The following ITFG1 variants were observed in gnomAD, a reference collection of about 807,000 sequenced individuals.
The protein encoded by ITFG1 is integrin alpha FG-GAP repeat containing 1, also known as T-cell immunomodulatory protein.
In ITFG1, 34 loss-of-function variants were observed where a neutral mutation model predicts 81.8. The observed-to-expected ratio is 0.42, with a 90% CI of 0.32 to 0.55. ITFG1 has a LOEUF of 0.55. ITFG1 is among the 20% of genes least tolerant of loss of function. ITFG1 has a pLI of 0.17. For synonymous variants in ITFG1, 285 were observed against 270.6 expected (o/e 1.05, Z -0.52); for missense variants, 672 against 755.4 (o/e 0.89, Z 1.29).
intron 14 of ITFG1, among the ~76,000 whole-genome samples, chr16:47,174,853 A>G (rs1296960430): frequency 6.6e-6 from 1 of 152,220 alleles, no homozygotes; most frequent in Non-Finnish European, 1.5e-5. Context: ...AGGAATTTTC[A>G]TCTAACGGTA....
intron 6 of ITFG1, among the ~76,000 whole-genome samples, chr16:47,424,410 G>A (rs1360735731): frequency 2.0e-5 from 3 of 152,110 alleles, no homozygotes; most frequent in East Asian, 1.9e-4. Flanking sequence ...TGCTATTAAC[G>A]ATCTTCTGAA....
intron 6 of ITFG1, among the ~76,000 whole-genome samples, chr16:47,404,715 T>A (rs965770873): frequency 1.3e-5 from 2 of 151,806 alleles, no homozygotes; most frequent in Non-Finnish European, 1.5e-5. Context: ...TTTTCTGAAA[T>A]TTTTTTTTGC....
At chr16:47,233,666 A>G (rs1461446600) in intron 13 of ITFG1, among the ~76,000 whole-genome samples, 1 of 152,210 alleles carries the variant, frequency 6.6e-6, no homozygotes, top group Non-Finnish European at 1.5e-5. Context: ...ACCTGGGGAA[A>G]GGGAAATACT....
At chr16:47,345,034 C>A (rs1446216952) in intron 8 of ITFG1, among the ~76,000 whole-genome samples, 1 of 152,162 alleles carries the variant, frequency 6.6e-6, no homozygotes, top group Non-Finnish European at 1.5e-5. Context: ...GTTATGGTCT[C>A]TGTCTTCAAG....
At chr16:47,188,989 T>G (rs957518583) in intron 14 of ITFG1, among the ~76,000 whole-genome samples, 11 of 152,166 alleles carry the variant, frequency 7.2e-5, no homozygotes, top group African/African-American at 2.7e-4. Flanking sequence ...GGTCTTGAAC[T>G]CCCAACCTCA....
At chr16:47,177,894 T>C (rs1467954021) in intron 14 of ITFG1, among the ~76,000 whole-genome samples, 1 of 152,214 alleles carries the variant, frequency 6.6e-6, no homozygotes, top group Non-Finnish European at 1.5e-5. Flanking sequence ...GTACAGTAAT[T>C]GCTAAGGGAC....
chr16:47,424,066 A>G (rs1013043361), intron 6 of ITFG1, among the ~76,000 whole-genome samples: 1 of 152,204 alleles, frequency 6.6e-6, no homozygotes, highest in African/African-American at 2.4e-5. Context: ...CAGGTACACC[A>G]ATCAAACGTA....
intron 6 of ITFG1, among the ~76,000 whole-genome samples, chr16:47,425,303 G>A (rs766462250): frequency 7.2e-5 from 11 of 152,188 alleles, no homozygotes; most frequent in Non-Finnish European, 1.5e-5. Flanking sequence ...CGTGGGAAAA[G>A]CACAGTATTT....
At chr16:47,328,369 C>T (rs1024230654) in intron 8 of ITFG1, among the ~76,000 whole-genome samples, 1 of 151,802 alleles carries the variant, frequency 6.6e-6, no homozygotes, top group African/African-American at 2.4e-5. Flanking sequence ...ATACCTAATG[C>T]TAAGTGACGA....
intron 5 of ITFG1, among the ~76,000 whole-genome samples, chr16:47,435,524 T>C (rs1969155216): frequency 6.6e-6 from 1 of 152,226 alleles, no homozygotes; most frequent in South Asian, 2.1e-4. Flanking sequence ...TCTCAAAGAA[T>C]GAATTTGTCA....
intron 6 of ITFG1, among the ~76,000 whole-genome samples, chr16:47,408,056 C>G (rs1271422516): frequency 6.6e-6 from 1 of 152,144 alleles, no homozygotes; most frequent in Non-Finnish European, 1.5e-5. Context: ...AAACGCAAAT[C>G]AGTGTCTTTA....
At chr16:47,234,209 G>A (rs1434395873) in intron 13 of ITFG1, among the ~76,000 whole-genome samples, 1 of 152,130 alleles carries the variant, frequency 6.6e-6, no homozygotes, top group Admixed American at 6.6e-5. Context: ...ATCAGACCAG[G>A]AATTTAAAAT....
At chr16:47,239,567 C>T (rs1468390436) in intron 12 of ITFG1, among the ~76,000 whole-genome samples, 3 of 151,982 alleles carry the variant, frequency 2.0e-5, no homozygotes, top group South Asian at 2.1e-4. Flanking sequence ...TAAAAGGCAC[C>T]AAGAAATAAA....
At chr16:47,447,314 A>G (rs1969336481) in intron 5 of ITFG1, among the ~76,000 whole-genome samples, 1 of 152,208 alleles carries the variant, frequency 6.6e-6, no homozygotes, top group Non-Finnish European at 1.5e-5. Flanking sequence ...CTGTAACACT[A>G]TACTTTTCTC....
chr16:47,373,875 C>T (rs1968291077), intron 7 of ITFG1, among the ~76,000 whole-genome samples: 2 of 152,174 alleles, frequency 1.3e-5, no homozygotes, highest in Admixed American at 1.3e-4. Context: ...TATGTGACTG[C>T]AAAGTCTCTG....
intron 14 of ITFG1, among the ~76,000 whole-genome samples, chr16:47,214,039 G>T (rs2151525186): frequency 6.6e-6 from 1 of 152,326 alleles, no homozygotes; most frequent in Middle Eastern, 3.4e-3. Context: ...TTGTGAGACT[G>T]AGCCCTTAAC....
rs1407647989 is a variant in ITFG1 at position 47,451,307 on chromosome 16, AAG to A, written c.560+87_560+88del. On this transcript the variant is annotated intron_variant, in intron 5 of 17. Transcript: ENST00000320640. ...TGCCCACTTAAAAATCTTTAAAAAC[AAG>A]GATTCCAATGAGCTATTTTTTCTCC... is the stretch of plus-strand genomic sequence containing the variant. 61 of 697,266 alleles carry A rather than the reference AAG, an allele frequency of 8.7e-5. No homozygotes were observed. In the African/African-American group the frequency reaches 9.9e-4, roughly 11 times the overall value. The allele number at this position is 697,266 out of a possible 1,614,324, so 43.2% of individuals were successfully genotyped here.
At chr16:47,307,601 T>C (rs976140901) in intron 10 of ITFG1, among the ~76,000 whole-genome samples, 2 of 152,154 alleles carry the variant, frequency 1.3e-5, no homozygotes, top group African/African-American at 4.8e-5. Flanking sequence ...CAGAATGAGT[T>C]TACATCCAGG....
intron 14 of ITFG1, among the ~76,000 whole-genome samples, chr16:47,203,503 A>G (rs1965453203): frequency 6.6e-6 from 1 of 152,226 alleles, no homozygotes; most frequent in South Asian, 2.1e-4. Context: ...TCTTCCTGCA[A>G]CTAGACAGTC....
Sources: gnomAD v4.1 joint callset for allele counts (sites outside exome capture counted in the v4.1 genomes callset) on GRCh38, gnomAD v4.1.1 for gene constraint, MANE v1.5 for transcripts, NCBI Gene and HGNC (gene_info 2026-07-23, HGNC 2026-07-21) for gene names.